Variants in DOC2B observed in about 807,000 individuals in gnomAD.
DOC2B encodes double C2-like domain-containing protein beta.
Under a neutral mutation model 28.9 loss-of-function variants are expected in DOC2B, and 21 were observed. The observed-to-expected ratio is 0.73, with a 90% CI of 0.52 to 1.05. The LOEUF is 1.05. Ranked by LOEUF, DOC2B falls within the 50% of genes least tolerant of loss-of-function variation. The pLI, the probability that DOC2B is intolerant of heterozygous loss-of-function variation, is 0.00. For synonymous variants in DOC2B, 194 were observed against 178.1 expected (o/e 1.09, Z -0.71); for missense variants, 384 against 421.1 (o/e 0.91, Z 0.77).
chr17:168,687 G>A (rs1051388725), intron 2 of DOC2B, among the ~76,000 whole-genome samples: 4 of 143,490 alleles, frequency 2.8e-5, no homozygotes, highest in African/African-American at 5.2e-5. Flanking sequence ...TAGTGAATAC[G>A]TCTCACGAGA....
At chr17:165,630 C>T (rs532459953) in intron 2 of DOC2B, among the ~76,000 whole-genome samples, 108 of 152,274 alleles carry the variant, frequency 7.1e-4, no homozygotes, top group Admixed American at 1.2e-3. Context: ...CGTGAGACGC[C>T]GGAGAAGCGG....
At chr17:155,788 G>A (rs1229097749) in intron 6 of DOC2B, among the ~76,000 whole-genome samples, 2 of 152,174 alleles carry the variant, frequency 1.3e-5, no homozygotes, top group Non-Finnish European at 2.9e-5. Flanking sequence ...ACTCTTATCC[G>A]CATCTGTAGC....
chr17:155,399 G>A (rs868696167), intron 6 of DOC2B, among the ~76,000 whole-genome samples: 5 of 152,214 alleles, frequency 3.3e-5, no homozygotes, highest in Middle Eastern at 6.8e-3. Context: ...AGATGTCCCT[G>A]AGGCCTTAGT....
chr17:179,693 C>T (rs2040413832), intron 1 of DOC2B, among the ~76,000 whole-genome samples: 1 of 152,148 alleles, frequency 6.6e-6, no homozygotes, highest in Admixed American at 6.5e-5. Flanking sequence ...ATCTAGGGCA[C>T]AGCCCTGAGG....
At chr17:147,832 G>C (rs1220440382) in intron 8 of DOC2B, among the ~76,000 whole-genome samples, 1 of 152,236 alleles carries the variant, frequency 6.6e-6, no homozygotes, top group African/African-American at 2.4e-5. Flanking sequence ...ATGGGGGCCT[G>C]AAGAGGGGAG....
At chr17:166,406 C>T (rs956671818) in intron 2 of DOC2B, among the ~76,000 whole-genome samples, 1 of 152,244 alleles carries the variant, frequency 6.6e-6, no homozygotes, top group Non-Finnish European at 1.5e-5. Flanking sequence ...CCCTTGGGCA[C>T]ATGCTCCCCA....
At chr17:173,637 C>T (rs960777719) in intron 1 of DOC2B, among the ~76,000 whole-genome samples, 6 of 152,148 alleles carry the variant, frequency 3.9e-5, no homozygotes, top group African/African-American at 1.4e-4. Flanking sequence ...GAGCCGGGAG[C>T]CATGGGGAGC....
intron 3 of DOC2B, among the ~76,000 whole-genome samples, 171 bp from the exon 4 acceptor site, chr17:162,361 T>C (rs1555523388): frequency 6.6e-6 from 1 of 152,126 alleles, no homozygotes; most frequent in African/African-American, 2.4e-5. Context: ...GACATTAGAA[T>C]AGGGAGATTA....
At chr17:166,602 T>G (rs1044991921) in intron 2 of DOC2B, among the ~76,000 whole-genome samples, 1 of 152,262 alleles carries the variant, frequency 6.6e-6, no homozygotes, top group Non-Finnish European at 1.5e-5. Flanking sequence ...TCTCCCAGAC[T>G]GTTCTTGACG....
At chr17:179,575 G>A (rs968690003) in intron 1 of DOC2B, among the ~76,000 whole-genome samples, 17 of 152,178 alleles carry the variant, frequency 1.1e-4, no homozygotes, top group African/African-American at 3.9e-4. Flanking sequence ...TTTGGATTCA[G>A]GGCAGCCAAA....
At chr17:180,617 G>A (rs970894297) in intron 1 of DOC2B, among the ~76,000 whole-genome samples, 1 of 152,052 alleles carries the variant, frequency 6.6e-6, no homozygotes, top group African/African-American at 2.4e-5. Flanking sequence ...GGGAGGCCGG[G>A]CCGCTCCCAG....
rs899077940 is a variant in DOC2B, at chr17:147,196, T to C, written c.*245A>G. 6 of 378,876 alleles carry C rather than the reference T, an allele frequency of 1.6e-5. No homozygotes were observed. The highest frequency in any genetic ancestry group is 2.8e-5 in the Non-Finnish European group (6 of 214,030). 23.5% of individuals were successfully genotyped at this position (378,876 alleles called of 1,614,324 possible). A position where few individuals can be genotyped will look rare whatever the true frequency, so the allele number is the denominator to read the frequency against. On this transcript the variant is annotated 3_prime_UTR_variant, in exon 9 of 9. Transcript: ENST00000613549. Reference sequence around the variant, plus strand: ...CCCTGGGCAGGTGCTGAGGTCTCTTTCCACCACCGGCCTCTTGGGCCCCAG... The same window carrying C: ...CCCTGGGCAGGTGCTGAGGTCTCTTCCCACCACCGGCCTCTTGGGCCCCAG...
At chr17:172,817 C>T (rs1480740757) in intron 1 of DOC2B, among the ~76,000 whole-genome samples, 2 of 152,210 alleles carry the variant, frequency 1.3e-5, no homozygotes, top group African/African-American at 2.4e-5. Context: ...ATAATCTCCC[C>T]ACTTTCCAGA....
At chr17:164,915 G>A (rs554259129) in intron 2 of DOC2B, among the ~76,000 whole-genome samples, 11 of 152,292 alleles carry the variant, frequency 7.2e-5, no homozygotes, top group African/African-American at 2.4e-4. Context: ...TGGGGGTGCA[G>A]CCGGCAACCC....
rs1158336681 is a variant in DOC2B at position 157,025 on chromosome 17, G to A, written c.766-648C>T. Among the ~76,000 whole-genome samples, 6 of 152,324 alleles carry A rather than the reference G, an allele frequency of 3.9e-5. No individual in the cohort carries two copies. The East Asian group carries it at 7.7e-4, about 20-fold the overall frequency. ...TGCCAGCTCCGTGATGCTTCTCTAT[G>A]GCTGCTTTTGCCCTAAGGACAGAGC... On this transcript the variant is annotated intron_variant, in intron 5 of 8. Coordinates refer to ENST00000613549, the MANE Select transcript of DOC2B (RefSeq NM_003585.5).
rs1555522963 is a variant in DOC2B, at chr17:159,413, G to A, written c.765+2002C>T. Reference sequence around the variant, plus strand: ...GGCTGAGGCAGGTGGATCATTCAAGGTCAGGAGTTTGAGACACCTGGACAA... The same window carrying A: ...GGCTGAGGCAGGTGGATCATTCAAGATCAGGAGTTTGAGACACCTGGACAA... On this transcript the variant is annotated intron_variant, in intron 5 of 8. Coordinates refer to ENST00000613549, the MANE Select transcript of DOC2B (RefSeq NM_003585.5). 2.0e-5 allele frequency among the ~76,000 whole-genome samples: 3 copies of A among 152,148 alleles called. No homozygotes were observed. In the South Asian group the frequency reaches 6.2e-4, roughly 32 times the overall value.
intron 5 of DOC2B, among the ~76,000 whole-genome samples, chr17:158,992 C>A (rs537351916): frequency 6.7e-6 from 1 of 148,656 alleles, no homozygotes; most frequent in African/African-American, 2.5e-5. Flanking sequence ...TGAAGTAAGC[C>A]GACATTGCGC....
chr17:180,659 C>G (rs1021077339), intron 1 of DOC2B, among the ~76,000 whole-genome samples: 1 of 151,984 alleles, frequency 6.6e-6, no homozygotes, highest in Non-Finnish European at 1.5e-5. Context: ...GCCCCAGCCC[C>G]GACCCTCGGC....
Position 181,054 on chromosome 17 carries a change from G to T in DOC2B, c.373+53C>A, listed in dbSNP as rs920018945. The T allele has an allele frequency of 1.6e-5, 20 of 1,214,782 alleles. No homozygotes were observed. Among genetic ancestry groups the T allele is most frequent in the Admixed American group, 8.7e-5 (2 of 23,002 alleles). The allele number at this position is 1,214,782 out of a possible 1,614,324, so 75.3% of individuals were successfully genotyped here. On this transcript the variant is annotated intron_variant, in intron 1 of 8. Coordinates refer to ENST00000613549, the MANE Select transcript of DOC2B (RefSeq NM_003585.5). The surrounding 1 kb of genome is among the most constrained non-coding windows in gnomAD (Gnocchi z 7.0). ...GAGGGAAGCCGCGAGGCCGTGGGGG[G>T]GCCGAGCCCGAGCCAGGGGAGGGGG...
Sources: gnomAD v4.1 joint callset for allele counts (sites outside exome capture counted in the v4.1 genomes callset) on GRCh38, gnomAD v4.1.1 for gene constraint, Gnocchi (gnomAD v3.1) non-coding constraint, MANE v1.5 for transcripts, NCBI Gene and HGNC (gene_info 2026-07-23, HGNC 2026-07-21) for gene names.